The following CNTN4 variants were observed in gnomAD, a reference collection of about 807,000 sequenced individuals.
CNTN4 encodes contactin-4.
Under a neutral mutation model 122.5 loss-of-function variants are expected in CNTN4, and 77 were observed. The ratio of observed to expected loss-of-function variants is 0.63; its 90% CI spans 0.52 to 0.76. The LOEUF is 0.76. Ranked by LOEUF, CNTN4 falls within the 30% of genes least tolerant of loss-of-function variation. The pLI, the probability that CNTN4 is intolerant of heterozygous loss-of-function variation, is 0.00. For synonymous variants in CNTN4, 512 were observed against 447.0 expected, an observed-to-expected ratio of 1.15 and a Z score of -1.83; for missense variants, 1,256 against 1,259.1, an observed-to-expected ratio of 1.00 and a Z score of 0.04.
intron 4 of CNTN4, among the ~76,000 whole-genome samples, chr3:2,577,216 G>A (rs1351738727): frequency 6.6e-6 from 1 of 152,094 alleles, no homozygotes; most frequent in Non-Finnish European, 1.5e-5. Flanking sequence ...ACTTTTAGGG[G>A]AGTCCAAACC....
In CNTN4 at chr3:2,286,174, CATTTAACTATACTGT is replaced by C. The variant is rs574789891; in HGVS notation, c.-144-52999_-144-52985del. Among the ~76,000 whole-genome samples, 844 of 151,068 alleles carry C rather than the reference CATTTAACTATACTGT, an allele frequency of 5.6e-3. 4 individuals are homozygous for C. The highest frequency in any genetic ancestry group is 0.01 in the Middle Eastern group (3 of 294). Reference sequence around the variant, plus strand: ...TCTACTGGTAGGTTGAACTTTTAAACATTTAACTATACTGTATTTCTCGGATCTCCTGCCGTGTGT... The same window carrying C: ...TCTACTGGTAGGTTGAACTTTTAAACATTTCTCGGATCTCCTGCCGTGTGT... On this transcript the variant is annotated intron_variant, in intron 2 of 24. Coordinates refer to ENST00000418658, the MANE Select transcript of CNTN4 (RefSeq NM_175607.3).
At chr3:2,707,439 C>G (rs1269840606) in intron 4 of CNTN4, among the ~76,000 whole-genome samples, 7 of 152,034 alleles carry the variant, frequency 4.6e-5, no homozygotes, top group Admixed American at 2.0e-4. Context: ...ACTCTTAATT[C>G]CAAAGGGGTA....
chr3:2,909,955 T>C (rs62232775), intron 12 of CNTN4, among the ~76,000 whole-genome samples: 63,748 of 152,022 alleles, frequency 0.42, 13,615 homozygotes, highest in East Asian at 0.68. Context: ...TTTTTAAAAA[T>C]TGAACATAGT....
intron 23 of CNTN4, among the ~76,000 whole-genome samples, chr3:3,048,656 G>A (rs1700932221): frequency 6.6e-6 from 1 of 152,102 alleles, no homozygotes; most frequent in Non-Finnish European, 1.5e-5. Flanking sequence ...TGAATAAAAA[G>A]CGGATCTGAT....
chr3:2,730,252 G>A (rs1437799184), intron 4 of CNTN4, among the ~76,000 whole-genome samples: 1 of 152,144 alleles, frequency 6.6e-6, no homozygotes, highest in Admixed American at 6.6e-5. Context: ...TAGCCTGAAG[G>A]TGATTTATAC....
At chr3:2,132,029 G>C (rs757753390) in intron 2 of CNTN4, among the ~76,000 whole-genome samples, 1 of 152,166 alleles carries the variant, frequency 6.6e-6, no homozygotes, top group African/African-American at 2.4e-5. Flanking sequence ...CAGTAGGGGA[G>C]ATCCTGCATA....
chr3:2,388,923 C>T (rs974009891), intron 3 of CNTN4, among the ~76,000 whole-genome samples: 34 of 151,836 alleles, frequency 2.2e-4, no homozygotes, highest in East Asian at 7.7e-4. Context: ...TTTGGGAGGC[C>T]GGGGTGGGTA....
chr3:3,018,867 TATA>T (rs1698010934), intron 14 of CNTN4, among the ~76,000 whole-genome samples: 1 of 152,122 alleles, frequency 6.6e-6, no homozygotes, highest in Non-Finnish European at 1.5e-5. Context: ...GGAAAAAAAG[TATA>T]ATGTGAACCT....
chr3:2,948,251 A>G (rs2094699780), intron 13 of CNTN4, among the ~76,000 whole-genome samples: 1 of 152,188 alleles, frequency 6.6e-6, no homozygotes, highest in African/African-American at 2.4e-5. Flanking sequence ...AGTTGGCCCC[A>G]TTAAACTATA....
At chr3:2,422,371 T>A (rs373845552) in intron 3 of CNTN4, among the ~76,000 whole-genome samples, 1 of 152,224 alleles carries the variant, frequency 6.6e-6, no homozygotes, top group African/African-American at 2.4e-5. Context: ...ATGTCTGAAT[T>A]TGATAGTGTG....
chr3:2,699,556 A>G (rs1238883551), intron 4 of CNTN4, among the ~76,000 whole-genome samples: 2 of 152,212 alleles, frequency 1.3e-5, no homozygotes, highest in African/African-American at 2.4e-5. Flanking sequence ...CATTTGGAGA[A>G]TAACTCAGTT....
intron 2 of CNTN4, among the ~76,000 whole-genome samples, chr3:2,170,297 G>T (rs2036440919): frequency 6.6e-6 from 1 of 152,134 alleles, no homozygotes; most frequent in South Asian, 2.1e-4. Context: ...TCCAGCCTGG[G>T]CGACACACCA....
intron 2 of CNTN4, among the ~76,000 whole-genome samples, chr3:2,190,766 A>G (rs1035497581): frequency 6.6e-6 from 1 of 151,790 alleles, no homozygotes; most frequent in Admixed American, 6.6e-5. Context: ...CTTGCAGCAT[A>G]GTGCATACAT....
chr3:3,038,202 A>G (rs975456403), intron 18 of CNTN4, among the ~76,000 whole-genome samples: 3 of 152,134 alleles, frequency 2.0e-5, no homozygotes, highest in Non-Finnish European at 4.4e-5. Flanking sequence ...ATGACAATAT[A>G]GCTAGTCCCC....
At chr3:2,374,843 T>C (rs149595779) in intron 3 of CNTN4, among the ~76,000 whole-genome samples, 2,431 of 152,268 alleles carry the variant, frequency 0.016, 47 homozygotes, top group Middle Eastern at 0.02. Context: ...CCCTTAGCAA[T>C]GCTAATCACG....
intron 3 of CNTN4, among the ~76,000 whole-genome samples, chr3:2,503,120 T>G (rs375189631): frequency 8.7e-4 from 132 of 152,276 alleles, no homozygotes; most frequent in African/African-American, 3.1e-3. Context: ...ATAGTTACAA[T>G]GCATTGTGCC....
intron 2 of CNTN4, among the ~76,000 whole-genome samples, chr3:2,332,079 T>C (rs373512630): frequency 2.0e-5 from 3 of 151,726 alleles, no homozygotes; most frequent in East Asian, 2.0e-4. Flanking sequence ...TTAGAGTCGA[T>C]AGGGGTTCAG....
Position 2,312,723 on chromosome 3 carries a change from C to A in CNTN4, c.-144-26455C>A, listed in dbSNP as rs570420903. Among the ~76,000 whole-genome samples the A allele has an allele frequency of 1.4e-3, 218 of 151,996 alleles. 1 individual carries two copies. The highest frequency in any genetic ancestry group is 5.0e-3 in the African/African-American group (208 of 41,492). On this transcript the variant is annotated intron_variant, in intron 2 of 24. Coordinates refer to ENST00000418658, the MANE Select transcript of CNTN4 (RefSeq NM_175607.3). ...GAACACAGCTTTTGAAAAAAATAAA[C>A]TTTTTTTTCCAAATGTTGGAGAAAC... is the stretch of plus-strand genomic sequence containing the variant.
chr3:2,225,320 C>G (rs937970113), intron 2 of CNTN4, among the ~76,000 whole-genome samples: 3 of 151,470 alleles, frequency 2.0e-5, no homozygotes, highest in Non-Finnish European at 4.4e-5. Context: ...CAAGACAAGC[C>G]TGGCCAAGAT....
Sources: gnomAD v4.1 joint callset for allele counts (sites outside exome capture counted in the v4.1 genomes callset) on GRCh38, gnomAD v4.1.1 for gene constraint, MANE v1.5 for transcripts, NCBI Gene and HGNC (gene_info 2026-07-23, HGNC 2026-07-21) for gene names.